The following TBC1D4 variants were observed in gnomAD, a reference collection of about 807,000 sequenced individuals.
TBC1D4 encodes TBC (Tre-2, BUB2, CDC16) domain-containing protein.
Under a neutral mutation model 142.5 loss-of-function variants are expected in TBC1D4, and 121 were observed. The ratio of observed to expected loss-of-function variants is 0.85; its 90% CI spans 0.73 to 0.99. The LOEUF (loss-of-function observed/expected upper bound fraction) is 0.99, where lower values mean the gene tolerates loss of function less well. Ranked by LOEUF, TBC1D4 falls within the 50% of genes least tolerant of loss-of-function variation. The pLI is 0.00. For synonymous variants in TBC1D4, 630 were observed against 628.2 expected (o/e 1.00, Z -0.04); for missense variants, 1,475 against 1,606.6 (o/e 0.92, Z 1.40).
rs1874671463 is a variant in TBC1D4, at chr13:75,286,424, A to G, written c.*368T>C. ...GGCTTTGTTTCACTATAAAGACAAAAAGATTTCACATATGTCCAAGGGAAA... is the reference window on the plus strand; with the variant it reads ...GGCTTTGTTTCACTATAAAGACAAAGAGATTTCACATATGTCCAAGGGAAA... On this transcript the variant is annotated 3_prime_UTR_variant, in exon 21 of 21. Coordinates refer to ENST00000377636, the MANE Select transcript of TBC1D4 (RefSeq NM_014832.5). The G allele has an allele frequency of 5.5e-6, 1 of 181,506 alleles. No homozygotes were observed. Among genetic ancestry groups the G allele is most frequent in the African/African-American group, 2.4e-5 (1 of 42,104 alleles). 11.2% of individuals were successfully genotyped at this position (181,506 alleles called of 1,614,324 possible). A position where few individuals can be genotyped will look rare whatever the true frequency, so the allele number is the denominator to read the frequency against.
At chr13:75,405,057 G>T (rs1885267195) in intron 1 of TBC1D4, among the ~76,000 whole-genome samples, 1 of 152,232 alleles carries the variant, frequency 6.6e-6, no homozygotes, top group East Asian at 1.9e-4. Context: ...TCTTTCTTAT[G>T]TATGGGTCAT....
chr13:75,418,862 C>T (rs1412350840), intron 1 of TBC1D4, among the ~76,000 whole-genome samples: 2 of 152,178 alleles, frequency 1.3e-5, no homozygotes, highest in African/African-American at 4.8e-5. Context: ...AATAAACACA[C>T]ATATACCCTG....
intron 16 of TBC1D4, among the ~76,000 whole-genome samples, chr13:75,299,802 C>G (rs1435143957): frequency 1.5e-5 from 2 of 129,802 alleles, no homozygotes; most frequent in African/African-American, 6.1e-5. Context: ...ACATTTTATG[C>G]TAACCAGTAC....
At chr13:75,473,229 G>A (rs1003498180) in intron 1 of TBC1D4, among the ~76,000 whole-genome samples, 16 of 152,136 alleles carry the variant, frequency 1.1e-4, no homozygotes, top group African/African-American at 3.9e-4. Flanking sequence ...TCAAACTCCT[G>A]GTCTCAAATG....
At chr13:75,342,695 A>T (rs1385393282) in intron 5 of TBC1D4, among the ~76,000 whole-genome samples, 1 of 152,124 alleles carries the variant, frequency 6.6e-6, no homozygotes, top group East Asian at 1.9e-4. Flanking sequence ...GTAATTCAAC[A>T]GACCATTCAT....
intron 1 of TBC1D4, among the ~76,000 whole-genome samples, chr13:75,441,119 G>T: frequency 6.6e-6 from 1 of 152,096 alleles, no homozygotes; most frequent in East Asian, 1.9e-4. Context: ...AGCCAGGCAT[G>T]GTGGCGGGAA....
At chr13:75,366,876 G>T in intron 1 of TBC1D4, 1 of 879,218 alleles carries the variant, frequency 1.1e-6, no homozygotes, top group Non-Finnish European at 1.3e-6. Context: ...AAACACAGGA[G>T]AAAATCTGGA....
At chr13:75,405,887 C>A (rs1217931061) in intron 1 of TBC1D4, among the ~76,000 whole-genome samples, 3 of 152,166 alleles carry the variant, frequency 2.0e-5, no homozygotes, top group African/African-American at 7.2e-5. Context: ...TATAATCCTT[C>A]ACTTATCTTT....
chr13:75,448,583 AC>A (rs1471997240), intron 1 of TBC1D4, among the ~76,000 whole-genome samples: 3 of 151,224 alleles, frequency 2.0e-5, no homozygotes, highest in Admixed American at 6.6e-5. Flanking sequence ...AAAAAAAAAA[AC>A]AATAACAACA....
chr13:75,464,666 C>G (rs1182316389), intron 1 of TBC1D4, among the ~76,000 whole-genome samples: 1 of 152,206 alleles, frequency 6.6e-6, no homozygotes, highest in Non-Finnish European at 1.5e-5. Context: ...CACAACCGGG[C>G]TGGTCTCGGC....
At chr13:75,340,044 T>G (rs2138070645) in intron 7 of TBC1D4, among the ~76,000 whole-genome samples, 1 of 152,364 alleles carries the variant, frequency 6.6e-6, no homozygotes, top group African/African-American at 2.4e-5. Context: ...TTAAAGCCAC[T>G]TATTGACTTT....
At chr13:75,418,590 A>C (rs2138109288) in intron 1 of TBC1D4, among the ~76,000 whole-genome samples, 1 of 152,344 alleles carries the variant, frequency 6.6e-6, no homozygotes, top group African/African-American at 2.4e-5. Flanking sequence ...TGTTCTTAAA[A>C]TAGAACACTT....
chr13:75,360,475 G>A, intron 2 of TBC1D4, among the ~76,000 whole-genome samples: 1 of 136,924 alleles, frequency 7.3e-6, no homozygotes. Context: ...GGTCAAGGCT[G>A]TAGTGAGCTG....
At position 75,306,298 on chromosome 13, in the gene TBC1D4, G is replaced by T; in HGVS notation, c.2752+15C>A. The T allele has an allele frequency of 6.3e-7, 1 of 1,596,774 alleles. No homozygotes were observed. On this transcript the variant is annotated intron_variant, in intron 15 of 20. Coordinates refer to ENST00000377636, the MANE Select transcript of TBC1D4 (RefSeq NM_014832.5). ...TTCTTTAAAAAACAAAAATTACTGAGATTATCCCAAATACCTTCTTTAAGA... is the reference window on the plus strand; with the variant it reads ...TTCTTTAAAAAACAAAAATTACTGATATTATCCCAAATACCTTCTTTAAGA...
intron 1 of TBC1D4, among the ~76,000 whole-genome samples, chr13:75,370,178 A>G (rs543346280): frequency 3.3e-5 from 5 of 152,318 alleles, no homozygotes; most frequent in African/African-American, 1.2e-4. Flanking sequence ...TTTTCCTGGT[A>G]TGTTCAGGGA....
Position 75,362,302 on chromosome 13 carries a change from C to T in TBC1D4, c.804G>A (p.Pro268=), listed in dbSNP as rs138788209. 874 of 1,613,934 alleles carry T rather than the reference C, an allele frequency of 5.4e-4. 4 individuals are homozygous for T. In the African/African-American group the frequency reaches 0.01, roughly 19 times the overall value. ...GGGTGTCGGTGCCGTCAGCCTCCTC[C>T]GGCAGGCAGTCTCCGGGGGACCCGG... ...VVPGSPGDCL[P]EEADGTDTHL... is the part of the protein sequence containing the mutation. Residue 268 remains proline, a synonymous_variant, in exon 2 of 21, where the codon CCG becomes CCA. Transcript: ENST00000377636. This position sits in a 1 kb window ranked among gnomAD's most constrained non-coding sequence, Gnocchi z 4.2.
chr13:75,431,859 T>G (rs924569718), intron 1 of TBC1D4, among the ~76,000 whole-genome samples: 3 of 152,140 alleles, frequency 2.0e-5, no homozygotes, highest in Admixed American at 1.3e-4. Flanking sequence ...ACATAAAATT[T>G]TAAAACAGCT....
At chr13:75,475,623 G>A (rs1888601962) in intron 1 of TBC1D4, among the ~76,000 whole-genome samples, 1 of 152,122 alleles carries the variant, frequency 6.6e-6, no homozygotes, top group Non-Finnish European at 1.5e-5. Context: ...TACTTATGAG[G>A]TAAATAATAT....
At chr13:75,357,409 C>T (rs1341917098) in intron 3 of TBC1D4, among the ~76,000 whole-genome samples, 2 of 152,196 alleles carry the variant, frequency 1.3e-5, no homozygotes, top group African/African-American at 2.4e-5. Context: ...TTTAGATACA[C>T]AACCTCGATT....
Sources: allele counts gnomAD v4.1 joint callset (sites outside exome capture counted in the v4.1 genomes callset), GRCh38; gene constraint gnomAD v4.1.1; non-coding constraint Gnocchi (gnomAD v3.1); transcripts MANE v1.5; gene names NCBI Gene and HGNC (gene_info 2026-07-23, HGNC 2026-07-21).